CARD14: variants seen among roughly 807,000 people sequenced by gnomAD.
The protein encoded by CARD14 is caspase recruitment domain family member 14, also known as caspase recruitment domain-containing protein 14.
CARD14 carries 107 observed loss-of-function variants against 111.5 expected under a neutral mutation model. The observed-to-expected ratio is 0.96, with a 90% confidence interval of 0.82 to 1.13. The LOEUF (loss-of-function observed/expected upper bound fraction) is 1.13. Among genes scored for constraint, CARD14 ranks in the 50% most tolerant of loss-of-function variants. The pLI, the probability that CARD14 is intolerant of heterozygous loss-of-function variation, is 0.00. For synonymous variants in CARD14, 617 were observed against 579.6 expected (o/e 1.06, Z -0.93); for missense variants, 1,322 against 1,362.3 (o/e 0.97, Z 0.47).
intron 18 of CARD14, 195 bp downstream of exon 18, chr17:80,202,615 A>C: frequency 1.4e-6 from 2 of 1,424,366 alleles, no homozygotes; most frequent in South Asian, 3.0e-5. Context: ...ATTGCAAATG[A>C]AATGTTCATT....
At chr17:80,193,500 G>A (rs1287664665) in intron 12 of CARD14, among the ~76,000 whole-genome samples, 1 of 152,224 alleles carries the variant, frequency 6.6e-6, no homozygotes, top group Non-Finnish European at 1.5e-5. Context: ...GCAAAGTAAA[G>A]AGGTGGTCCC....
Position 80,207,848 on chromosome 17 carries a change from C to T in CARD14, c.2808-290C>T, listed in dbSNP as rs7222024. Among the ~76,000 whole-genome samples, 72,390 of 151,480 alleles carry T rather than the reference C, an allele frequency of 0.48. 18,609 individuals carry two copies. The highest frequency in any genetic ancestry group is 0.58 in the Non-Finnish European group (39,566 of 67,852). Reference sequence around the variant, plus strand: ...TGGTGCTTGGCTAGCACAATCTAATCCTTGTCGGCTAAGGACAAAAAAAAA... The same window carrying T: ...TGGTGCTTGGCTAGCACAATCTAATTCTTGTCGGCTAAGGACAAAAAAAAA... On this transcript the variant is annotated intron_variant, in intron 23 of 23. Coordinates refer to ENST00000648509, the MANE Select transcript of CARD14 (RefSeq NM_001366385.1).
intron 2 of CARD14, among the ~76,000 whole-genome samples, chr17:80,176,531 G>A (rs1251031575): frequency 6.6e-6 from 1 of 151,370 alleles, no homozygotes; most frequent in African/African-American, 2.4e-5. Context: ...ACAGATGTGT[G>A]CAATCGCCGC....
rs116648319 is a variant in CARD14, at chr17:80,193,768, C to T, written c.1356+1149C>T. On this transcript the variant is annotated intron_variant, in intron 12 of 23. Coordinates refer to ENST00000648509, the MANE Select transcript of CARD14 (RefSeq NM_001366385.1). Reference sequence around the variant, plus strand: ...TTCCCCAGAACACTGAGTGCACACACGGGGAAGATTTCACAGTCGGTGCTG... The same window carrying T: ...TTCCCCAGAACACTGAGTGCACACATGGGGAAGATTTCACAGTCGGTGCTG... 3.1e-3 allele frequency among the ~76,000 whole-genome samples: 470 copies of T among 152,244 alleles called. 2 individuals are homozygous for T. Among genetic ancestry groups the T allele is most frequent in the African/African-American group, 0.011 (438 of 41,538 alleles).
At chr17:80,172,346 A>T (rs937861612) in intron 1 of CARD14, among the ~76,000 whole-genome samples, 43 of 152,326 alleles carry the variant, frequency 2.8e-4, no homozygotes, top group Non-Finnish European at 1.3e-4. Context: ...TTTTATAAAG[A>T]TGCTGCACTC....
intron 23 of CARD14, 147 bp downstream of exon 23, chr17:80,207,232 G>T: frequency 1.7e-6 from 1 of 590,732 alleles, no homozygotes. Context: ...TTTGGGACAA[G>T]GGCCCCGCTG....
rs2040208395 is a variant in CARD14 at position 80,182,595 on chromosome 17, G to A, written c.212-58G>A. 1 of 1,598,186 alleles carries A rather than the reference G, an allele frequency of 6.3e-7. No homozygotes were observed. Among genetic ancestry groups the A allele is most frequent in the Admixed American group, 1.7e-5 (1 of 58,400 alleles). ...TCTCCCCCGTGGGGAAGCCAGCCAG[G>A]GAGCCCAGCCCCCTTGGTAGCTGGG... On this transcript the variant is annotated intron_variant, in intron 5 of 23. Transcript: ENST00000648509. This position sits in a 1 kb window ranked among gnomAD's most constrained non-coding sequence, Gnocchi z 4.7.
chr17:80,204,041 G>C, intron 19 of CARD14, 156 bp downstream of exon 19: 1 of 799,292 alleles, frequency 1.3e-6, no homozygotes, highest in Admixed American at 2.9e-5. Context: ...ACCAGGGCAG[G>C]GTCTGCAGCC....
At chr17:80,171,768 G>A (rs1019248874) in intron 1 of CARD14, among the ~76,000 whole-genome samples, 2 of 152,200 alleles carry the variant, frequency 1.3e-5, no homozygotes, top group African/African-American at 4.8e-5. Flanking sequence ...TCAGCTGCTG[G>A]TGAGGCAGCT....
In CARD14 at chr17:80,192,536, C is replaced by G. The variant is rs1392362547; in HGVS notation, c.1273C>G (p.Pro425Ala). 6.2e-7 allele frequency: 1 copy of G among 1,613,870 alleles called. No homozygotes were observed. The highest frequency in any genetic ancestry group is 8.5e-7 in the Non-Finnish European group (1 of 1,179,938). ...KQEARTREPCPREKQRLVRMH... is the reference protein window; with the variant it reads ...KQEARTREPCAREKQRLVRMH... ...GGAAGCCAGGACCAGGGAGCCCTGT[C>G]CACGGGAGAAGCAGCGGCTGGTGCG... The change falls in exon 12 of 24, where the codon CCA (proline) becomes GCA (alanine). Residue 425 changes from proline (P) to alanine (A), a missense_variant. Pro to Ala is a conservative substitution (Grantham distance 27, BLOSUM62 -1). Transcript: ENST00000648509.
chr17:80,182,810 C>T lies in CARD14; in HGVS notation c.349+20C>T, dbSNP rs776318698. The T allele has an allele frequency of 2.4e-5, 38 of 1,613,740 alleles. No individual in the cohort carries two copies. Among genetic ancestry groups the T allele is most frequent in the East Asian group, 6.7e-5 (3 of 44,872 alleles). On this transcript the variant is annotated intron_variant, in intron 6 of 23. Transcript: ENST00000648509. This position sits in a 1 kb window ranked among gnomAD's most constrained non-coding sequence, Gnocchi z 4.7. ...TTAGCGGTGAGAGCTCCGACTTTGACGGTTTGGCAGGCACTTCTAGGAACC... is the reference window on the plus strand; with the variant it reads ...TTAGCGGTGAGAGCTCCGACTTTGATGGTTTGGCAGGCACTTCTAGGAACC...
rs1261645027 is a variant in CARD14, at chr17:80,189,797, G to T, written c.888G>T (p.Gly296=). Residue 296 remains glycine (G), a synonymous_variant, in exon 9 of 24, where the codon GGG becomes GGT. Transcript: ENST00000648509. The surrounding 1 kb of genome is among the most constrained non-coding windows in gnomAD (Gnocchi z 4.7). ...AGCAGAGCCTGGACGAGGCGCGGGG[G>T]AGCCGACAGGAGCTGGTGGAGCGCA... ...ILEQSLDEAR[G]SRQELVERIH... 1 of 1,584,468 alleles carries T rather than the reference G, an allele frequency of 6.3e-7. No individual in the cohort carries two copies. Among genetic ancestry groups the T allele is most frequent in the Admixed American group, 1.9e-5 (1 of 52,424 alleles).
chr17:80,199,034 G>A (rs945285205), intron 16 of CARD14: 18 of 517,182 alleles, frequency 3.5e-5, no homozygotes, highest in Admixed American at 1.2e-4. Context: ...CTGCAGCCTC[G>A]ACCTCCCCAG....
chr17:80,201,634 C>T lies in CARD14; in HGVS notation c.1852-110C>T. The T allele has an allele frequency of 8.6e-7, 1 of 1,160,236 alleles. No individual in the cohort carries two copies. The highest frequency in any genetic ancestry group is 1.3e-6 in the Non-Finnish European group (1 of 776,668). 71.9% of individuals were successfully genotyped at this position (1,160,236 alleles called of 1,614,324 possible). Reference sequence around the variant, plus strand: ...TGACCAAGGCGTGCAGGCAGTGGTCCTACGGCAGGGCTGGCCCGCGCCTCG... The same window carrying T: ...TGACCAAGGCGTGCAGGCAGTGGTCTTACGGCAGGGCTGGCCCGCGCCTCG... On this transcript the variant is annotated intron_variant, in intron 16 of 23. Transcript: ENST00000648509. This position sits in a 1 kb window ranked among gnomAD's most constrained non-coding sequence, Gnocchi z 5.0.
At chr17:80,191,030 G>A (rs899583118) in intron 10 of CARD14, 131 bp downstream of exon 10, 44 of 1,282,354 alleles carry the variant, frequency 3.4e-5, no homozygotes, top group African/African-American at 5.9e-5. Flanking sequence ...CTCTTTCCTC[G>A]GTCCACACGA....
chr17:80,204,226 G>A lies in CARD14; in HGVS notation c.2284-1G>A. The stretch of plus-strand genomic sequence containing the variant: ...TCATCCTTTCTCTGTCCCTCCTTTA[G>A]CCATCTTCTGGGGGACCACAGAAGC... On this transcript the variant is annotated splice_acceptor_variant, in intron 19 of 23. Transcript: ENST00000648509. LOFTEE classifies it high-confidence loss of function. 2 of 1,584,802 alleles carry A rather than the reference G, an allele frequency of 1.3e-6. No individual in the cohort carries two copies. The highest frequency in any genetic ancestry group is 1.7e-5 in the Admixed American group (1 of 58,276).
At chr17:80,186,211 T>C (rs2040338475) in intron 7 of CARD14, among the ~76,000 whole-genome samples, 1 of 152,062 alleles carries the variant, frequency 6.6e-6, no homozygotes, top group Admixed American at 6.6e-5. Flanking sequence ...CCTTCTCCCT[T>C]GGCTGACTTT....
In CARD14 at chr17:80,189,912, G is replaced by A. The variant is rs768861631; in HGVS notation, c.963+40G>A. The A allele has an allele frequency of 6.3e-7, 1 of 1,576,386 alleles. No homozygotes were observed. Among genetic ancestry groups the A allele is most frequent in the Non-Finnish European group, 8.6e-7 (1 of 1,167,392 alleles). On this transcript the variant is annotated intron_variant, in intron 9 of 23. Coordinates refer to ENST00000648509, the MANE Select transcript of CARD14 (RefSeq NM_001366385.1). The surrounding 1 kb of genome is among the most constrained non-coding windows in gnomAD (Gnocchi z 4.7). ...CTTCCTCCCTTGTGACTCTCCTGGG[G>A]CTTGTCTCAGGGGTGCGGACAGGTC...
At chr17:80,184,376 G>C (rs112432508) in intron 7 of CARD14, 138 bp downstream of exon 7, 1 of 782,172 alleles carries the variant, frequency 1.3e-6, no homozygotes, top group African/African-American at 1.8e-5. Context: ...CCTTGGCTGA[G>C]ACCCCTCTGG....
Sources: gnomAD v4.1 joint callset for allele counts (sites outside exome capture counted in the v4.1 genomes callset) on GRCh38, gnomAD v4.1.1 for gene constraint, Gnocchi (gnomAD v3.1) non-coding constraint, MANE v1.5 for transcripts, NCBI Gene and HGNC (gene_info 2026-07-23, HGNC 2026-07-21) for gene names.